ZBTB44: variants seen among roughly 807,000 people sequenced by gnomAD.
The protein encoded by ZBTB44 is zinc finger and BTB domain containing 44, also known as zinc finger and BTB domain-containing protein 44.
ZBTB44 carries 15 observed loss-of-function variants against 54.0 expected under a neutral mutation model. The observed-to-expected ratio is 0.28, with a 90% confidence interval of 0.19 to 0.43. The LOEUF (loss-of-function observed/expected upper bound fraction) is 0.43. ZBTB44 is among the 20% of genes least tolerant of loss of function. The probability of loss-of-function intolerance (pLI) is 1.00; values close to 1 mark genes in which losing one functional copy is unlikely to be tolerated. For synonymous variants in ZBTB44, 230 were observed against 250.1 expected (o/e 0.92, Z 0.76); for missense variants, 487 against 707.1 (o/e 0.69, Z 3.53).
At chr11:130,311,025 C>T (rs796068541) in intron 1 of ZBTB44, among the ~76,000 whole-genome samples, 12 of 152,234 alleles carry the variant, frequency 7.9e-5, no homozygotes, top group African/African-American at 2.6e-4. Context: ...GTAGCATAAC[C>T]AGAGAAAAGT....
intron 1 of ZBTB44, among the ~76,000 whole-genome samples, chr11:130,272,819 G>A (rs746291688): frequency 9.2e-5 from 14 of 151,884 alleles, no homozygotes; most frequent in Non-Finnish European, 1.3e-4. Context: ...GTTAAAAAGC[G>A]TATTCTTTTA....
chr11:130,271,016 T>C (rs576468875), intron 1 of ZBTB44, among the ~76,000 whole-genome samples: 1 of 152,184 alleles, frequency 6.6e-6, no homozygotes, highest in Admixed American at 6.5e-5. Flanking sequence ...TGTTAGAAGC[T>C]TGGAGCAGAT....
rs1954228953 is a variant in ZBTB44 at position 130,238,818 on chromosome 11, G to T, written c.1104-211C>A. The T allele has an allele frequency of 1.4e-5, 7 of 498,926 alleles. No homozygotes were observed. The Admixed American group carries it at 2.3e-4, about 17-fold the overall frequency. The allele number at this position is 498,926 out of a possible 1,614,324, so 30.9% of individuals were successfully genotyped here. A position where few individuals can be genotyped will look rare whatever the true frequency, so the allele number is the denominator to read the frequency against. The stretch of plus-strand genomic sequence containing the variant: ...GTTTTTTTTTTTTATTTTTTGAGAC[G>T]GAGTTAGGCAGAAGTCATATCGTGT... On this transcript the variant is annotated intron_variant, in intron 3 of 7. Transcript: ENST00000357899.
intron 2 of ZBTB44, among the ~76,000 whole-genome samples, chr11:130,248,574 G>A (rs1937725860): frequency 6.6e-6 from 1 of 152,020 alleles, no homozygotes. Context: ...TCAGGAGGCA[G>A]AGGTTGCAGT....
Position 130,314,743 on chromosome 11 carries a change from C to A in ZBTB44, c.-425G>T, listed in dbSNP as rs1312650184. On this transcript the variant is annotated 5_prime_UTR_variant, in exon 1 of 8. Coordinates refer to ENST00000357899, the MANE Select transcript of ZBTB44 (RefSeq NM_001301098.2). ...AGGGCAGGCGGTTGTTTGGGGAGCG[C>A]GGCGACGGCTCGCGTGTTCCCAGCG... 1.5e-5 allele frequency: 2 copies of A among 129,234 alleles called. No individual in the cohort carries two copies. The highest frequency in any genetic ancestry group is 3.2e-5 in the Non-Finnish European group (2 of 63,100). 8.0% of individuals were successfully genotyped at this position (129,234 alleles called of 1,614,324 possible).
intron 1 of ZBTB44, among the ~76,000 whole-genome samples, chr11:130,293,153 T>C (rs1192712193): frequency 6.6e-6 from 1 of 152,128 alleles, no homozygotes; most frequent in Non-Finnish European, 1.5e-5. Context: ...TGGACTACTT[T>C]ATCTGAGTTG....
chr11:130,244,113 G>C (rs1954521342), intron 2 of ZBTB44, among the ~76,000 whole-genome samples: 1 of 152,152 alleles, frequency 6.6e-6, no homozygotes, highest in South Asian at 2.1e-4. Context: ...CCCTGGGCCA[G>C]GCTTTCTCCC....
intron 2 of ZBTB44, among the ~76,000 whole-genome samples, chr11:130,256,795 C>T (rs187014676): frequency 1.5e-4 from 23 of 151,986 alleles, no homozygotes; most frequent in South Asian, 6.2e-4. Context: ...AGTATCATAC[C>T]GAATGAGTAA....
chr11:130,299,651 A>G (rs547117766), intron 1 of ZBTB44, among the ~76,000 whole-genome samples: 1 of 152,178 alleles, frequency 6.6e-6, no homozygotes. Flanking sequence ...AAAAAAAAAC[A>G]AAATAACAAG....
intron 1 of ZBTB44, among the ~76,000 whole-genome samples, chr11:130,276,459 G>C (rs1242187413): frequency 6.8e-6 from 1 of 146,916 alleles, no homozygotes; most frequent in East Asian, 2.0e-4. Context: ...TTTTGAGACA[G>C]AGTCTTGCTG....
At chr11:130,280,599 T>C (rs928421277) in intron 1 of ZBTB44, among the ~76,000 whole-genome samples, 3 of 152,230 alleles carry the variant, frequency 2.0e-5, no homozygotes, top group Non-Finnish European at 2.9e-5. Context: ...CTGCCATTTA[T>C]AGAACATTCT....
At position 130,314,850 on chromosome 11, in the gene ZBTB44, G is replaced by A. The variant is rs1231122866; in HGVS notation, c.-532C>T. ...GAGCCGCCGCCGCGCGCGTGCGGCC[G>A]GCGCCGCCGCCGTTGCCGCTCCGCT... On this transcript the variant is annotated 5_prime_UTR_variant, in exon 1 of 8. Transcript: ENST00000357899. 3.4e-5 allele frequency: 5 copies of A among 148,884 alleles called. No homozygotes were observed. The highest frequency in any genetic ancestry group is 2.0e-4 in the East Asian group (1 of 4,964). 9.2% of individuals were successfully genotyped at this position (148,884 alleles called of 1,614,324 possible). A position where few individuals can be genotyped will look rare whatever the true frequency, so the allele number is the denominator to read the frequency against.
intron 1 of ZBTB44, among the ~76,000 whole-genome samples, chr11:130,265,204 G>C (rs1296572753): frequency 6.6e-6 from 1 of 152,056 alleles, no homozygotes; most frequent in Non-Finnish European, 1.5e-5. Context: ...ATGACCAAGT[G>C]AAAGGAAGAG....
intron 1 of ZBTB44, among the ~76,000 whole-genome samples, chr11:130,307,741 A>G (rs1942358872): frequency 6.6e-6 from 1 of 152,104 alleles, no homozygotes; most frequent in South Asian, 2.1e-4. Flanking sequence ...TCACTGCTGG[A>G]GGAATCACAT....
intron 5 of ZBTB44, among the ~76,000 whole-genome samples, chr11:130,235,582 G>A (rs575515009): frequency 6.6e-6 from 1 of 152,040 alleles, no homozygotes; most frequent in Non-Finnish European, 1.5e-5. Flanking sequence ...TCAGGAGTTC[G>A]AGGCTGCAGT....
intron 1 of ZBTB44, among the ~76,000 whole-genome samples, chr11:130,278,920 G>C (rs937905957): frequency 4.8e-4 from 73 of 152,016 alleles, no homozygotes; most frequent in African/African-American, 1.8e-3. Flanking sequence ...CTGACATGTG[G>C]TCTCTCTCAC....
At chr11:130,307,116 A>G (rs970086887) in intron 1 of ZBTB44, among the ~76,000 whole-genome samples, 5 of 151,984 alleles carry the variant, frequency 3.3e-5, no homozygotes, top group Non-Finnish European at 5.9e-5. Context: ...AGCCATACCT[A>G]AAGCCCACCA....
intron 1 of ZBTB44, among the ~76,000 whole-genome samples, chr11:130,265,343 G>A (rs948465767): frequency 6.6e-6 from 1 of 152,032 alleles, no homozygotes; most frequent in Non-Finnish European, 1.5e-5. Flanking sequence ...TCTCCTTTCA[G>A]CTTCCAGAGT....
chr11:130,294,700 G>A (rs1273015324), intron 1 of ZBTB44, among the ~76,000 whole-genome samples: 2 of 152,142 alleles, frequency 1.3e-5, no homozygotes, highest in East Asian at 1.9e-4. Flanking sequence ...GAGCAGGACA[G>A]AAATAACTCC....
Sources: allele counts gnomAD v4.1 joint callset (sites outside exome capture counted in the v4.1 genomes callset), GRCh38; gene constraint gnomAD v4.1.1; transcripts MANE v1.5; gene names NCBI Gene and HGNC (gene_info 2026-07-23, HGNC 2026-07-21).